Variants in CWC27 observed in about 807,000 individuals in gnomAD.
CWC27 encodes the protein CWC27 spliceosome associated cyclophilin.
Under a neutral mutation model 63.6 loss-of-function variants are expected in CWC27, and 47 were observed. The ratio of observed to expected loss-of-function variants is 0.74; its 90% CI spans 0.58 to 0.94. The LOEUF (loss-of-function observed/expected upper bound fraction) is 0.94. CWC27 is among the 40% of genes least tolerant of loss of function. CWC27 has a pLI of 0.00. For missense variants in CWC27, 495 were observed against 554.3 expected (o/e 0.89, Z 1.07); for synonymous variants, 175 against 179.8 (o/e 0.97, Z 0.22).
intron 10 of CWC27, among the ~76,000 whole-genome samples, chr5:64,850,940 T>TA (rs1219503192): frequency 6.6e-6 from 1 of 152,220 alleles, no homozygotes; most frequent in Non-Finnish European, 1.5e-5. Context: ...GGAACCCTTG[T>TA]ACACTGTTGG....
intron 11 of CWC27, among the ~76,000 whole-genome samples, chr5:64,917,428 A>C (rs1747911197): frequency 6.6e-6 from 1 of 152,146 alleles, no homozygotes; most frequent in African/African-American, 2.4e-5. Flanking sequence ...TTTTCCAAGG[A>C]AGGAACAGAG....
At chr5:64,955,874 C>T (rs1274578118) in intron 11 of CWC27, among the ~76,000 whole-genome samples, 1 of 151,948 alleles carries the variant, frequency 6.6e-6, no homozygotes, top group Admixed American at 6.6e-5. Flanking sequence ...TTCCAAAGTT[C>T]CTTATTAAAA....
At chr5:64,978,924 T>A (rs1405112776) in intron 13 of CWC27, among the ~76,000 whole-genome samples, 1 of 152,140 alleles carries the variant, frequency 6.6e-6, no homozygotes, top group African/African-American at 2.4e-5. Flanking sequence ...TATTTGAAGC[T>A]CATAACCCAC....
intron 10 of CWC27, among the ~76,000 whole-genome samples, chr5:64,828,037 G>C (rs552429033): frequency 6.6e-6 from 1 of 152,054 alleles, no homozygotes; most frequent in Non-Finnish European, 1.5e-5. Flanking sequence ...TATACTATGC[G>C]TGCTTTCCGC....
chr5:64,863,622 G>A (rs1746466697), intron 10 of CWC27, among the ~76,000 whole-genome samples: 1 of 151,984 alleles, frequency 6.6e-6, no homozygotes, highest in South Asian at 2.1e-4. Flanking sequence ...AGCCTCCCGA[G>A]TAGCTATGAC....
intron 13 of CWC27, among the ~76,000 whole-genome samples, chr5:65,016,843 T>C (rs1486501577): frequency 1.3e-5 from 2 of 152,176 alleles, no homozygotes; most frequent in East Asian, 3.8e-4. Flanking sequence ...ACTGCCTACC[T>C]ACTACCCAGA....
intron 3 of CWC27, 22 bp from the exon 4 acceptor site, chr5:64,783,814 A>G (rs776593907): frequency 6.5e-7 from 1 of 1,540,456 alleles, no homozygotes; most frequent in Non-Finnish European, 8.7e-7. Context: ...GAGGACATTC[A>G]CTAAATCTTT....
intron 11 of CWC27, among the ~76,000 whole-genome samples, chr5:64,920,234 G>A (rs559325684): frequency 6.6e-6 from 1 of 152,260 alleles, no homozygotes; most frequent in Admixed American, 6.5e-5. Flanking sequence ...CTCCCAAAGT[G>A]CTGGGATTAC....
intron 7 of CWC27, among the ~76,000 whole-genome samples, chr5:64,795,514 A>G (rs1323438409): frequency 1.3e-5 from 2 of 152,062 alleles, no homozygotes; most frequent in African/African-American, 4.8e-5. Context: ...GTCTCTGGGG[A>G]GAATCTATTC....
chr5:64,980,760 C>T (rs903786504), intron 13 of CWC27, among the ~76,000 whole-genome samples: 2 of 152,004 alleles, frequency 1.3e-5, no homozygotes, highest in African/African-American at 4.8e-5. Flanking sequence ...GCATGGTTGC[C>T]TCAAGTAAAT....
At chr5:64,820,419 T>C (rs776794048) in intron 10 of CWC27, among the ~76,000 whole-genome samples, 4 of 152,170 alleles carry the variant, frequency 2.6e-5, no homozygotes, top group Non-Finnish European at 5.9e-5. Flanking sequence ...TGTTGTTATA[T>C]TTTCATTCTA....
intron 11 of CWC27, among the ~76,000 whole-genome samples, chr5:64,905,303 C>G (rs1241985771): frequency 6.6e-6 from 1 of 151,398 alleles, no homozygotes; most frequent in African/African-American, 2.4e-5. Flanking sequence ...CTAAGATGCC[C>G]TTAATAGGAA....
At chr5:65,011,600 T>C (rs1216715616) in intron 13 of CWC27, among the ~76,000 whole-genome samples, 1 of 152,218 alleles carries the variant, frequency 6.6e-6, no homozygotes, top group Non-Finnish European at 1.5e-5. Context: ...AGCCAGATTA[T>C]AGAAGCCACA....
chr5:64,888,361 A>G (rs1747127919), intron 11 of CWC27, among the ~76,000 whole-genome samples: 1 of 147,236 alleles, frequency 6.8e-6, no homozygotes, highest in African/African-American at 2.5e-5. Flanking sequence ...AATATAAAGT[A>G]TATAAATAAT....
At chr5:64,959,399 T>C (rs2112432079) in intron 11 of CWC27, among the ~76,000 whole-genome samples, 1 of 152,282 alleles carries the variant, frequency 6.6e-6, no homozygotes, top group Non-Finnish European at 1.5e-5. Flanking sequence ...AATATTCCCA[T>C]TATAATTTCC....
At position 64,873,943 on chromosome 5, in the gene CWC27, A is replaced by G. The variant is rs545780025; in HGVS notation, c.939-11500A>G. On this transcript the variant is annotated intron_variant, in intron 10 of 13. Transcript: ENST00000381070. The stretch of plus-strand genomic sequence containing the variant: ...GAAGAGGGTATTCTTGTCCCAGTGT[A>G]TGTTCTTGGTGCTTTTGTTGAAAAT... Among the ~76,000 whole-genome samples, 18 of 152,060 alleles carry G rather than the reference A, an allele frequency of 1.2e-4. No homozygotes were observed. The East Asian group carries it at 3.3e-3, about 28-fold the overall frequency.
At chr5:64,922,138 CT>C (rs1561157633) in intron 11 of CWC27, among the ~76,000 whole-genome samples, 1 of 152,092 alleles carries the variant, frequency 6.6e-6, no homozygotes, top group Non-Finnish European at 1.5e-5. Flanking sequence ...TAGCTTCTCA[CT>C]GGGGTTCTCT....
intron 10 of CWC27, among the ~76,000 whole-genome samples, chr5:64,823,303 C>G (rs142363008): frequency 1.3e-3 from 193 of 152,328 alleles, no homozygotes; most frequent in Non-Finnish European, 1.7e-3. Flanking sequence ...GTCTGATACT[C>G]TCTTCCAACC....
chr5:64,855,903 A>T (rs1746247379), intron 10 of CWC27, among the ~76,000 whole-genome samples: 1 of 152,134 alleles, frequency 6.6e-6, no homozygotes. Flanking sequence ...TTAGGCCTCC[A>T]AGAGATAAAC....
Sources: allele counts gnomAD v4.1 joint callset (sites outside exome capture counted in the v4.1 genomes callset), GRCh38; gene constraint gnomAD v4.1.1; transcripts MANE v1.5; gene names NCBI Gene and HGNC (gene_info 2026-07-23, HGNC 2026-07-21).